The following OSBPL6 variants were observed in gnomAD, a reference collection of about 807,000 sequenced individuals.
OSBPL6 encodes the protein oxysterol-binding protein-related protein 6.
Under a neutral mutation model 125.8 loss-of-function variants are expected in OSBPL6, and 49 were observed. That is an observed-to-expected ratio of 0.39 (90% CI 0.31 to 0.49). The LOEUF (loss-of-function observed/expected upper bound fraction) is 0.49. OSBPL6 is among the 20% of genes least tolerant of loss of function. The pLI, the probability that OSBPL6 is intolerant of heterozygous loss-of-function variation, is 0.88. For synonymous variants in OSBPL6, 394 were observed against 391.8 expected, an observed-to-expected ratio of 1.01 and a Z score of -0.07; for missense variants, 986 against 1,135.4, an observed-to-expected ratio of 0.87 and a Z score of 1.89.
chr2:178,320,419 T>A (rs1688136839), intron 3 of OSBPL6: 1 of 1,611,220 alleles, frequency 6.2e-7, no homozygotes, highest in Non-Finnish European at 8.5e-7. Context: ...ACTTCCACCT[T>A]CTCTGTGTGT....
At chr2:178,352,291 C>A (rs1167974453) in intron 12 of OSBPL6, among the ~76,000 whole-genome samples, 1 of 152,194 alleles carries the variant, frequency 6.6e-6, no homozygotes, top group African/African-American at 2.4e-5. Context: ...GGCGTTACCT[C>A]TCCCAGGAAG....
chr2:178,395,772 TAAAAAAAAAAAAAAAAA>T lies in OSBPL6; in HGVS notation c.*225_*241del, dbSNP rs746653123. The T allele has an allele frequency of 1.2e-5, 3 of 243,376 alleles. No homozygotes were observed. Among genetic ancestry groups the T allele is most frequent in the East Asian group, 1.1e-4 (1 of 8,814 alleles). 15.1% of individuals were successfully genotyped at this position (243,376 alleles called of 1,614,324 possible). A position where few individuals can be genotyped will look rare whatever the true frequency, so the allele number is the denominator to read the frequency against. ...TCTGTTTTGCTGCAACCATATTCCT[TAAAAAAAAAAAAAAAAA>T]AAAAAAAAAAATCCACACCGTCCTT... On this transcript the variant is annotated 3_prime_UTR_variant, in exon 25 of 25. Transcript: ENST00000190611.
At chr2:178,378,508 T>C (rs888711156) in intron 15 of OSBPL6, among the ~76,000 whole-genome samples, 3 of 152,240 alleles carry the variant, frequency 2.0e-5, no homozygotes, top group East Asian at 1.9e-4. Flanking sequence ...TCTTCTTGCT[T>C]CCACAATAAT....
intron 1 of OSBPL6, among the ~76,000 whole-genome samples, chr2:178,241,008 C>T (rs1014399464): frequency 4.0e-5 from 6 of 151,726 alleles, no homozygotes; most frequent in African/African-American, 1.5e-4. Context: ...GGACTACAAT[C>T]TTTTTTTTCT....
intron 13 of OSBPL6, 127 bp downstream of exon 13, chr2:178,361,942 C>A: frequency 1.8e-6 from 2 of 1,116,836 alleles, no homozygotes; most frequent in Admixed American, 3.1e-5. Flanking sequence ...CAGAATTTCC[C>A]CCAAAAGACT....
At chr2:178,352,936 T>C (rs889724516) in intron 12 of OSBPL6, among the ~76,000 whole-genome samples, 4 of 152,156 alleles carry the variant, frequency 2.6e-5, no homozygotes, top group Non-Finnish European at 5.9e-5. Flanking sequence ...GCCTCCACTG[T>C]TGATACCCAG....
chr2:178,326,324 C>T, intron 4 of OSBPL6, among the ~76,000 whole-genome samples: 1 of 152,096 alleles, frequency 6.6e-6, no homozygotes, highest in Non-Finnish European at 1.5e-5. Context: ...TATGACATTA[C>T]TGTCTGTTCT....
At position 178,389,116 on chromosome 2, in the gene OSBPL6, A is replaced by G. The variant is rs768676466; in HGVS notation, c.2264A>G (p.Lys755Arg). The G allele has an allele frequency of 5.6e-6, 9 of 1,613,852 alleles. No individual in the cohort carries two copies. The highest frequency in any genetic ancestry group is 7.6e-6 in the Non-Finnish European group (9 of 1,179,986). The change falls in exon 21 of 25, where the codon AAA becomes AGA. Residue 755 changes from lysine to arginine, a missense_variant. Lys to Arg is a conservative substitution (Grantham distance 26, BLOSUM62 2). This residue lies in a region of OSBPL6 where 843 missense variants were observed against 997.3 expected (regional missense o/e 0.85). Coordinates refer to ENST00000190611, the MANE Select transcript of OSBPL6 (RefSeq NM_032523.4). ...GGAGAAGTAACCATCAGAAATACCA[A>G]AAGCAGTGTTTGCATTTGCAAACTC... is the stretch of plus-strand genomic sequence containing the variant. ...HYGEVTIRNTKSSVCICKLTF... is the reference protein window; with the variant it reads ...HYGEVTIRNTRSSVCICKLTF...
intron 6 of OSBPL6, among the ~76,000 whole-genome samples, 189 bp downstream of exon 6, chr2:178,331,794 T>C (rs373226988): frequency 1.3e-5 from 2 of 152,154 alleles, no homozygotes; most frequent in African/African-American, 4.8e-5. Flanking sequence ...GATTTAACTA[T>C]TTTGATGTGT....
intron 2 of OSBPL6, among the ~76,000 whole-genome samples, chr2:178,289,013 C>CT (rs1684984736): frequency 7.2e-6 from 1 of 138,322 alleles, no homozygotes; most frequent in African/African-American, 2.7e-5. Flanking sequence ...TTTTCTTTTT[C>CT]TTCTTTTTTT....
Position 178,293,148 on chromosome 2 carries a change from C to T in OSBPL6, c.-156+8027C>T, listed in dbSNP as rs1333189916. Among the ~76,000 whole-genome samples, 2 of 151,848 alleles carry T rather than the reference C, an allele frequency of 1.3e-5. 1 individual carries two copies. Among genetic ancestry groups the T allele is most frequent in the Non-Finnish European group, 2.9e-5 (2 of 67,942 alleles). The stretch of plus-strand genomic sequence containing the variant: ...CTTCCCATAGTATTTTTGTATCTTT[C>T]CTGCAAATCTAAAATTATTCCAAAA... On this transcript the variant is annotated intron_variant, in intron 2 of 24. Transcript: ENST00000190611.
chr2:178,280,017 G>A (rs1683989189), intron 1 of OSBPL6, among the ~76,000 whole-genome samples: 1 of 152,082 alleles, frequency 6.6e-6, no homozygotes, highest in Admixed American at 6.6e-5. Context: ...GGCCAACATG[G>A]TGAAACTCTG....
intron 1 of OSBPL6, among the ~76,000 whole-genome samples, chr2:178,222,080 T>C (rs1359681329): frequency 2.0e-5 from 3 of 152,276 alleles, no homozygotes; most frequent in Admixed American, 6.5e-5. Context: ...TTATGGAGAC[T>C]GTAAGCATTG....
chr2:178,233,646 T>C (rs558725533), intron 1 of OSBPL6, among the ~76,000 whole-genome samples: 14 of 152,148 alleles, frequency 9.2e-5, no homozygotes, highest in Non-Finnish European at 1.8e-4. Context: ...AAGGAGGTGA[T>C]GACACATGGG....
chr2:178,209,435 CTTTCTT>C (rs796783666), intron 1 of OSBPL6, among the ~76,000 whole-genome samples: 28 of 96,270 alleles, frequency 2.9e-4, no homozygotes, highest in Middle Eastern at 5.4e-3. Context: ...TTCTTTCTTT[CTTTCTT>C]TTTTTTTTTT....
At chr2:178,215,127 A>G (rs1322452619) in intron 1 of OSBPL6, among the ~76,000 whole-genome samples, 1 of 152,000 alleles carries the variant, frequency 6.6e-6, no homozygotes, top group African/African-American at 2.4e-5. Context: ...AAACAGAAAC[A>G]AAAAAACCTT....
At chr2:178,283,422 A>T (rs1684404211) in intron 1 of OSBPL6, among the ~76,000 whole-genome samples, 1 of 151,974 alleles carries the variant, frequency 6.6e-6, no homozygotes, top group Non-Finnish European at 1.5e-5. Context: ...GAGTGAAAGG[A>T]TAGGCTTGAA....
At chr2:178,350,207 AT>A (rs1454125134) in intron 12 of OSBPL6, among the ~76,000 whole-genome samples, 7 of 152,182 alleles carry the variant, frequency 4.6e-5, no homozygotes, top group African/African-American at 1.7e-4. Context: ...AGAGTAGGCT[AT>A]GGTAAATAAG....
intron 1 of OSBPL6, among the ~76,000 whole-genome samples, chr2:178,236,903 T>G (rs1456123615): frequency 6.6e-6 from 1 of 152,146 alleles, no homozygotes; most frequent in Admixed American, 6.5e-5. Flanking sequence ...GCCCCCAGCC[T>G]CCTTCCTGTC....
Sources: allele counts gnomAD v4.1 joint callset (sites outside exome capture counted in the v4.1 genomes callset), GRCh38; gene constraint gnomAD v4.1.1; regional missense constraint gnomAD v4.1.1; transcripts MANE v1.5; gene names NCBI Gene and HGNC (gene_info 2026-07-23, HGNC 2026-07-21).